Variants in BACH2 observed in about 807,000 individuals in gnomAD.
BACH2 encodes the protein transcription regulator protein BACH2.
Under a neutral mutation model 61.8 loss-of-function variants are expected in BACH2, and 5 were observed. The observed-to-expected ratio is 0.08, with a 90% CI of 0.04 to 0.17. BACH2 has a LOEUF of 0.17. BACH2 is among the 10% of genes least tolerant of loss of function. The pLI is 1.00. For synonymous variants in BACH2, 446 were observed against 440.1 expected (o/e 1.01, Z -0.17); for missense variants, 824 against 1,091.1 (o/e 0.76, Z 3.45).
intron 5 of BACH2, among the ~76,000 whole-genome samples, chr6:90,055,295 A>G (rs1355440105): frequency 6.6e-6 from 1 of 152,256 alleles, no homozygotes; most frequent in Non-Finnish European, 1.5e-5. Context: ...GATGGAGCTG[A>G]AAACCAAGGC....
At chr6:90,181,854 A>G (rs938213996) in intron 4 of BACH2, among the ~76,000 whole-genome samples, 22 of 152,212 alleles carry the variant, frequency 1.4e-4, no homozygotes, top group Non-Finnish European at 2.6e-4. Flanking sequence ...CAAGTCCCAT[A>G]CTAAGCTAAT....
At chr6:90,227,267 T>C (rs1228279947) in intron 3 of BACH2, among the ~76,000 whole-genome samples, 2 of 152,204 alleles carry the variant, frequency 1.3e-5, no homozygotes, top group Non-Finnish European at 2.9e-5. Context: ...GCTCCACGCA[T>C]TCTCCCGTCT....
At chr6:90,187,958 T>C (rs1434663024) in intron 4 of BACH2, among the ~76,000 whole-genome samples, 3 of 152,184 alleles carry the variant, frequency 2.0e-5, no homozygotes, top group Non-Finnish European at 4.4e-5. Flanking sequence ...GCCCCAGTGC[T>C]GAGGCTACGG....
At chr6:89,946,531 A>C (rs1275470838) in intron 7 of BACH2, among the ~76,000 whole-genome samples, 1 of 152,236 alleles carries the variant, frequency 6.6e-6, no homozygotes, top group Non-Finnish European at 1.5e-5. Context: ...TGTTTATCAG[A>C]GGGAAAAACT....
chr6:90,219,977 G>A (rs12205059), intron 3 of BACH2, among the ~76,000 whole-genome samples: 13,650 of 150,118 alleles, frequency 0.091, 728 homozygotes, highest in South Asian at 0.15. Flanking sequence ...TTTTTTTTCC[G>A]CCTAAACAGC....
chr6:90,037,113 T>C (rs1283670372), intron 5 of BACH2, among the ~76,000 whole-genome samples: 2 of 152,126 alleles, frequency 1.3e-5, no homozygotes, highest in African/African-American at 2.4e-5. Flanking sequence ...TCATTATACT[T>C]CAAGGGCAAT....
chr6:90,148,810 A>G (rs1300640670), intron 4 of BACH2, among the ~76,000 whole-genome samples: 2 of 152,222 alleles, frequency 1.3e-5, no homozygotes, highest in Non-Finnish European at 2.9e-5. Flanking sequence ...AACATCTTTT[A>G]TAAAAACATG....
chr6:89,985,233 A>C (rs1172147910), intron 6 of BACH2, among the ~76,000 whole-genome samples: 1 of 152,232 alleles, frequency 6.6e-6, no homozygotes. Context: ...AGGAGAGCAC[A>C]GAAGTTTCCA....
Position 89,930,566 on chromosome 6 carries a change from C to A in BACH2, c.*1842G>T. The A allele has an allele frequency of 6.5e-6, 1 of 152,820 alleles. No homozygotes were observed. The highest frequency in any genetic ancestry group is 1.5e-5 in the Non-Finnish European group (1 of 68,090). The allele number at this position is 152,820 out of a possible 1,614,324, so 9.5% of individuals were successfully genotyped here. A position where few individuals can be genotyped will look rare whatever the true frequency, so the allele number is the denominator to read the frequency against. ...CGGGCTGCTCAGTGAGACCCGGACC[C>A]AAGGCCACTGGAGCGAGGGAGCTGA... On this transcript the variant is annotated 3_prime_UTR_variant, in exon 9 of 9. Coordinates refer to ENST00000257749, the MANE Select transcript of BACH2 (RefSeq NM_021813.4).
intron 5 of BACH2, among the ~76,000 whole-genome samples, chr6:90,073,287 ACT>A (rs140157963): frequency 0.037 from 5,705 of 152,224 alleles, 354 homozygotes; most frequent in African/African-American, 0.13. Context: ...CCCCAAACTG[ACT>A]CTGCGAGAAT....
Position 89,951,381 on chromosome 6 carries a change from A to C in BACH2, c.725T>G (p.Val242Gly). The C allele has an allele frequency of 6.2e-7, 1 of 1,614,206 alleles. No individual in the cohort carries two copies. Among genetic ancestry groups the C allele is most frequent in the Non-Finnish European group, 8.5e-7 (1 of 1,180,036 alleles). ...KKYQLACTKN[V>G]YNASSHSTSG... ...GGTACTGTGTGATGATGCATTATAG[A>C]CATTCTTGGTACATGCAAGCTGGTA... Residue 242 changes from valine (V) to glycine (G), a missense_variant, in exon 7 of 9, where the codon GTC (valine) becomes GGC (glycine). By Grantham distance (109) the Val-to-Gly change is moderately radical (BLOSUM62 -3). Transcript: ENST00000257749. This position sits in a 1 kb window ranked among gnomAD's most constrained non-coding sequence, Gnocchi z 6.4.
chr6:90,128,320 T>A (rs1041336133), intron 4 of BACH2, among the ~76,000 whole-genome samples: 12 of 152,114 alleles, frequency 7.9e-5, no homozygotes, highest in Non-Finnish European at 1.3e-4. Context: ...CCGTGGCTCA[T>A]GCCTGTAATC....
intron 1 of BACH2, among the ~76,000 whole-genome samples, chr6:90,280,239 T>C (rs1771818204): frequency 6.6e-6 from 1 of 152,152 alleles, no homozygotes; most frequent in African/African-American, 2.4e-5. Flanking sequence ...GAATTTTCAA[T>C]GAATATAAAA....
chr6:90,283,739 G>A (rs962855836), intron 1 of BACH2, among the ~76,000 whole-genome samples: 25 of 151,758 alleles, frequency 1.6e-4, no homozygotes, highest in Non-Finnish European at 2.9e-4. Context: ...CAGGCACGGC[G>A]GCTTACACCT....
intron 5 of BACH2, among the ~76,000 whole-genome samples, chr6:90,082,194 A>T (rs541907666): frequency 6.6e-6 from 1 of 152,334 alleles, no homozygotes; most frequent in South Asian, 2.1e-4. Flanking sequence ...GCCTTATAGT[A>T]CAGTGATTAC....
intron 5 of BACH2, among the ~76,000 whole-genome samples, chr6:90,055,409 G>C (rs952853720): frequency 2.0e-5 from 3 of 152,084 alleles, no homozygotes; most frequent in African/African-American, 7.2e-5. Flanking sequence ...GAAGCAAGAA[G>C]AGAAGTTCAG....
At chr6:90,110,954 C>T (rs1252333984) in intron 4 of BACH2, among the ~76,000 whole-genome samples, 1 of 152,172 alleles carries the variant, frequency 6.6e-6, no homozygotes, top group Non-Finnish European at 1.5e-5. Flanking sequence ...GTAATTGTTA[C>T]TGCTTCATAC....
rs1042436732 is a variant in BACH2 at position 89,926,613 on chromosome 6, T to C, written c.*5795A>G. On this transcript the variant is annotated 3_prime_UTR_variant, in exon 9 of 9. Coordinates refer to ENST00000257749, the MANE Select transcript of BACH2 (RefSeq NM_021813.4). ...AATTCAGTTAACACTAGCAATTCAA[T>C]TGAGTGAAAACTTTTTTTGCACAAT... 6.5e-6 allele frequency: 1 copy of C among 152,780 alleles called. No homozygotes were observed. The highest frequency in any genetic ancestry group is 1.5e-5 in the Non-Finnish European group (1 of 68,044). 9.5% of individuals were successfully genotyped at this position (152,780 alleles called of 1,614,324 possible).
chr6:90,009,056 C>G (rs1268414454), intron 5 of BACH2, among the ~76,000 whole-genome samples, 200 bp from the exon 6 acceptor site: 1 of 152,222 alleles, frequency 6.6e-6, no homozygotes, highest in Non-Finnish European at 1.5e-5. Context: ...TCTGTAAAGT[C>G]AAGTTCCACA....
Sources: gnomAD v4.1 joint callset for allele counts (sites outside exome capture counted in the v4.1 genomes callset) on GRCh38, gnomAD v4.1.1 for gene constraint, Gnocchi (gnomAD v3.1) non-coding constraint, MANE v1.5 for transcripts, NCBI Gene and HGNC (gene_info 2026-07-23, HGNC 2026-07-21) for gene names.